CDH4: variants seen among roughly 807,000 people sequenced by gnomAD.
CDH4 encodes cadherin-4.
Under a neutral mutation model 86.0 loss-of-function variants are expected in CDH4, and 33 were observed. The ratio of observed to expected loss-of-function variants is 0.38; its 90% CI spans 0.29 to 0.51. The LOEUF is 0.51. Ranked by LOEUF, CDH4 falls within the 20% of genes least tolerant of loss-of-function variation. CDH4 has a pLI of 0.86. For synonymous variants in CDH4, 555 were observed against 549.4 expected (o/e 1.01, Z -0.14); for missense variants, 1,114 against 1,307.4 (o/e 0.85, Z 2.28).
intron 2 of CDH4, among the ~76,000 whole-genome samples, chr20:61,364,780 G>A (rs1034159742): frequency 5.3e-5 from 8 of 152,244 alleles, no homozygotes; most frequent in Non-Finnish European, 1.0e-4. Context: ...CGATGATGAG[G>A]CTGCCTCAGC....
intron 7 of CDH4, among the ~76,000 whole-genome samples, chr20:61,875,769 G>A (rs1315733563): frequency 3.3e-5 from 5 of 152,164 alleles, no homozygotes; most frequent in Admixed American, 2.6e-4. Context: ...CCCTGGTCCC[G>A]TCATTCAGCT....
intron 2 of CDH4, among the ~76,000 whole-genome samples, chr20:61,433,229 T>C (rs1427734134): frequency 1.3e-5 from 2 of 152,140 alleles, no homozygotes; most frequent in Non-Finnish European, 2.9e-5. Context: ...GTTATCCAAT[T>C]GTTGGTGCAC....
At chr20:61,869,468 G>C (rs1231221366) in intron 6 of CDH4, among the ~76,000 whole-genome samples, 5 of 152,242 alleles carry the variant, frequency 3.3e-5, no homozygotes, top group African/African-American at 9.6e-5. Flanking sequence ...CCCTGGAGGA[G>C]AGCGTGGCTG....
chr20:61,753,727 T>C (rs1179837936), intron 3 of CDH4, among the ~76,000 whole-genome samples: 1 of 152,214 alleles, frequency 6.6e-6, no homozygotes, highest in Non-Finnish European at 1.5e-5. Flanking sequence ...ACTAATATTG[T>C]ATCTTCTAGC....
chr20:61,298,819 T>C (rs2084371045), intron 2 of CDH4, among the ~76,000 whole-genome samples: 1 of 152,030 alleles, frequency 6.6e-6, no homozygotes, highest in African/African-American at 2.4e-5. Flanking sequence ...GAGTCTTTTT[T>C]TTTTTCATGG....
rs371856199 is a variant in CDH4, at chr20:61,873,794, G to A, written c.944G>A (p.Arg315Gln). The A allele has an allele frequency of 3.2e-5, 52 of 1,614,050 alleles. No individual in the cohort carries two copies. The highest frequency in any genetic ancestry group is 2.7e-4 in the Admixed American group (16 of 60,036). The part of the protein sequence containing the change: ...DDSTTANGMV[R>Q]YRIVTQTPQS... Reference sequence around the variant, plus strand: ...AGCACCACGGCCAACGGGATGGTGCGGTACCGGATCGTGACCCAGACCCCA... The same window carrying A: ...AGCACCACGGCCAACGGGATGGTGCAGTACCGGATCGTGACCCAGACCCCA... Residue 315 changes from arginine to glutamine, a missense_variant, in exon 7 of 16, where the codon CGG (arginine) becomes CAG (glutamine). Arg to Gln is a conservative substitution (Grantham distance 43). Around this residue, in one of 3 missense-constraint regions of CDH4, gnomAD observed 705 missense variants for 914.1 expected, o/e 0.77. Transcript: ENST00000614565.
chr20:61,847,587 G>T (rs1167440094), intron 5 of CDH4, among the ~76,000 whole-genome samples: 1 of 152,216 alleles, frequency 6.6e-6, no homozygotes, highest in Non-Finnish European at 1.5e-5. Context: ...GTGCAAACAC[G>T]CTGTGTTAGC....
chr20:61,752,684 C>T (rs139695347), intron 3 of CDH4, among the ~76,000 whole-genome samples: 42 of 152,258 alleles, frequency 2.8e-4, no homozygotes, highest in African/African-American at 8.4e-4. Flanking sequence ...GAATATTATA[C>T]GGCAGTAAAA....
chr20:61,635,048 C>T (rs6061684), intron 2 of CDH4, among the ~76,000 whole-genome samples: 2,063 of 152,332 alleles, frequency 0.014, 55 homozygotes, highest in African/African-American at 0.047. Context: ...TGCCCGTGGA[C>T]ACTGGGTTGG....
chr20:61,570,931 G>A (rs1250396838), intron 2 of CDH4, among the ~76,000 whole-genome samples: 1 of 152,210 alleles, frequency 6.6e-6, no homozygotes, highest in Non-Finnish European at 1.5e-5. Flanking sequence ...GCTTAAGTAG[G>A]TCTGTGTGGG....
At chr20:61,823,795 A>C (rs1237501021) in intron 4 of CDH4, among the ~76,000 whole-genome samples, 1 of 152,198 alleles carries the variant, frequency 6.6e-6, no homozygotes, top group Non-Finnish European at 1.5e-5. Context: ...TTCTGTTGCC[A>C]GTTCATGTAC....
chr20:61,876,393 C>G (rs1277351901), intron 7 of CDH4, among the ~76,000 whole-genome samples: 1 of 152,214 alleles, frequency 6.6e-6, no homozygotes, highest in Non-Finnish European at 1.5e-5. Context: ...ACCGTTCTCT[C>G]CCTACTCTAT....
At chr20:61,677,766 G>C (rs1046053573) in intron 2 of CDH4, among the ~76,000 whole-genome samples, 2 of 87,696 alleles carry the variant, frequency 2.3e-5, no homozygotes, top group African/African-American at 5.1e-5. Flanking sequence ...TGGATGGATG[G>C]TTAGATAGAT....
intron 4 of CDH4, among the ~76,000 whole-genome samples, chr20:61,832,014 C>T (rs1229360010): frequency 1.7e-5 from 2 of 117,936 alleles, no homozygotes; most frequent in Admixed American, 1.7e-4. Context: ...CAGGAGACCA[C>T]CTTGCCCACT....
chr20:61,465,544 A>G (rs1328760), intron 2 of CDH4, among the ~76,000 whole-genome samples: 9,131 of 152,204 alleles, frequency 0.06, 301 homozygotes, highest in Middle Eastern at 0.075. Context: ...CTCTCTGTAA[A>G]TTGTATGGAT....
intron 2 of CDH4, among the ~76,000 whole-genome samples, chr20:61,693,445 G>A (rs1015325133): frequency 6.6e-6 from 1 of 152,164 alleles, no homozygotes; most frequent in African/African-American, 2.4e-5. Flanking sequence ...TAATTCTGTG[G>A]GTGGGGCAGC....
chr20:61,421,716 C>G (rs1474015251), intron 2 of CDH4, among the ~76,000 whole-genome samples: 1 of 152,226 alleles, frequency 6.6e-6, no homozygotes, highest in Non-Finnish European at 1.5e-5. Context: ...TCTTCTCCCC[C>G]TGCCGGGGTT....
intron 3 of CDH4, 131 bp downstream of exon 3, chr20:61,743,920 G>A (rs2088377231): frequency 1.4e-6 from 1 of 727,328 alleles, no homozygotes; most frequent in Non-Finnish European, 2.3e-6. Flanking sequence ...TGCCACTCAG[G>A]CCATTGCCAA....
chr20:61,370,616 G>A (rs2084834975), intron 2 of CDH4: 1 of 152,218 alleles, frequency 6.6e-6, no homozygotes, highest in South Asian at 2.1e-4. Flanking sequence ...CCTGCATTAA[G>A]GGAAGACATA....
Sources: allele counts gnomAD v4.1 joint callset (sites outside exome capture counted in the v4.1 genomes callset), GRCh38; gene constraint gnomAD v4.1.1; regional missense constraint gnomAD v4.1.1; transcripts MANE v1.5; gene names NCBI Gene and HGNC (gene_info 2026-07-23, HGNC 2026-07-21).